ZNF184: variants seen among roughly 807,000 people sequenced by gnomAD.
ZNF184 encodes the protein zinc finger protein 184, also known as zinc finger protein 184 (Kruppel-like).
Under a neutral mutation model 54.4 loss-of-function variants are expected in ZNF184, and 16 were observed. The ratio of observed to expected loss-of-function variants is 0.29; its 90% CI spans 0.20 to 0.45. The LOEUF (loss-of-function observed/expected upper bound fraction) is 0.45, where lower values mean the gene tolerates loss of function less well. Ranked by LOEUF, ZNF184 falls within the 20% of genes least tolerant of loss-of-function variation. The pLI, the probability that ZNF184 is intolerant of heterozygous loss-of-function variation, is 1.00. For synonymous variants in ZNF184, 254 were observed against 295.3 expected, an observed-to-expected ratio of 0.86 and a Z score of 1.43; for missense variants, 681 against 888.2, an observed-to-expected ratio of 0.77 and a Z score of 2.97.
chr6:27,432,420 T>A, the ZNF184 span, among the ~76,000 whole-genome samples: 1 of 152,124 alleles, frequency 6.6e-6, no homozygotes, highest in Non-Finnish European at 1.5e-5. This position sits in a 1 kb window ranked among gnomAD's most constrained non-coding sequence, Gnocchi z 4.0. Context: ...GGAACAGTAA[T>A]AAAGACTAAG....
rs1341681770 is a variant in ZNF184, at chr6:27,451,093, AG to A, written c.*209del. The A allele has an allele frequency of 4.2e-6, 2 of 478,348 alleles. No homozygotes were observed. The highest frequency in any genetic ancestry group is 7.1e-6 in the Non-Finnish European group (2 of 282,872). 29.6% of individuals were successfully genotyped at this position (478,348 alleles called of 1,614,324 possible). On this transcript the variant is annotated 3_prime_UTR_variant, in exon 6 of 6. Coordinates refer to ENST00000683788, the MANE Select transcript of ZNF184 (RefSeq NM_001318891.2). ...TCCTTCATTCCATAAAGGAAACTAAAGCTTAAAACAGTAGAGTTTTCTAATG... is the reference window on the plus strand; with the variant it reads ...TCCTTCATTCCATAAAGGAAACTAAACTTAAAACAGTAGAGTTTTCTAATG...
At chr6:27,466,062 A>C (rs911584516) in intron 3 of ZNF184, among the ~76,000 whole-genome samples, 1 of 152,176 alleles carries the variant, frequency 6.6e-6, no homozygotes, top group Non-Finnish European at 1.5e-5. Context: ...GCCTAGAGTA[A>C]TCACAAGGGT....
intron 2 of ZNF184, among the ~76,000 whole-genome samples, chr6:27,471,560 T>C (rs1235468067): frequency 6.6e-6 from 1 of 152,230 alleles, no homozygotes; most frequent in Non-Finnish European, 1.5e-5. Context: ...CAAAGAGCTA[T>C]GTTTACCATT....
At chr6:27,454,463 T>A (rs1762806521) in intron 5 of ZNF184, among the ~76,000 whole-genome samples, 1 of 152,104 alleles carries the variant, frequency 6.6e-6, no homozygotes, top group Non-Finnish European at 1.5e-5. Context: ...GTTCAAGAAA[T>A]AAATATGTTT....
the ZNF184 span, among the ~76,000 whole-genome samples, chr6:27,437,376 T>G: frequency 6.6e-6 from 1 of 152,162 alleles, no homozygotes; most frequent in African/African-American, 2.4e-5. Flanking sequence ...CCTTTAGAGC[T>G]GAGACCAACC....
chr6:27,461,795 T>C lies in ZNF184; in HGVS notation c.76-4386A>G, dbSNP rs563383197. Among the ~76,000 whole-genome samples, 6 of 152,140 alleles carry C rather than the reference T, an allele frequency of 3.9e-5. No individual in the cohort carries two copies. In the East Asian group the frequency reaches 5.8e-4, roughly 15 times the overall value. On this transcript the variant is annotated intron_variant, in intron 3 of 5. Coordinates refer to ENST00000683788, the MANE Select transcript of ZNF184 (RefSeq NM_001318891.2). Reference sequence around the variant, plus strand: ...GAACTCAAGAGATAGAGCTGAGAGTTTGGGAAAATCAAGGTGACTAGAGTT... The same window carrying C: ...GAACTCAAGAGATAGAGCTGAGAGTCTGGGAAAATCAAGGTGACTAGAGTT...
chr6:27,467,487 C>T (rs777709889), intron 3 of ZNF184, among the ~76,000 whole-genome samples: 9 of 151,998 alleles, frequency 5.9e-5, no homozygotes, highest in Non-Finnish European at 1.2e-4. Flanking sequence ...CCCAGCTACT[C>T]GGGACGCTCA....
the ZNF184 span, among the ~76,000 whole-genome samples, chr6:27,435,494 T>C: frequency 1.3e-5 from 2 of 152,240 alleles, no homozygotes; most frequent in Non-Finnish European, 2.9e-5. Context: ...TGATTTTGTA[T>C]TCTGCAACTT....
At chr6:27,442,388 GGC>G in the ZNF184 span, among the ~76,000 whole-genome samples, 1 of 152,136 alleles carries the variant, frequency 6.6e-6, no homozygotes, top group East Asian at 1.9e-4. Flanking sequence ...GGGAGGCCAA[GGC>G]GGGAGGATTA....
At chr6:27,409,789 G>A in the ZNF184 span, among the ~76,000 whole-genome samples, 70 of 152,218 alleles carry the variant, frequency 4.6e-4, no homozygotes, top group African/African-American at 1.6e-3. Flanking sequence ...GTCTACAGTA[G>A]TGTAGTCTTC....
At position 27,456,867 on chromosome 6, in the gene ZNF184, G is replaced by C. The variant is rs1485073339; in HGVS notation, c.257C>G (p.Pro86Arg). Reference protein sequence around the residue: ...VISQLEQGTEPWIMEPSIPVG... With the variant: ...VISQLEQGTERWIMEPSIPVG... Reference sequence around the variant, plus strand: ...TGGAATGCTTGGCTCCATGATCCATGGCTCTGTCCCTTGCTCTAACTGGGA... The same window carrying C: ...TGGAATGCTTGGCTCCATGATCCATCGCTCTGTCCCTTGCTCTAACTGGGA... Residue 86 changes from proline (P) to arginine (R), a missense_variant, in exon 5 of 6, where the codon CCA becomes CGA. By Grantham distance (103) the Pro-to-Arg change is moderately radical. Transcript: ENST00000683788. 6.2e-7 allele frequency: 1 copy of C among 1,613,974 alleles called. No homozygotes were observed. Among genetic ancestry groups the C allele is most frequent in the Non-Finnish European group, 8.5e-7 (1 of 1,180,022 alleles).
At chr6:27,407,870 G>C in the ZNF184 span, 1 of 803,820 alleles carries the variant, frequency 1.2e-6, no homozygotes, top group East Asian at 2.4e-5. Flanking sequence ...AGGAGAAAGG[G>C]AGTGAACAGG....
At chr6:27,462,487 T>C (rs2103557) in intron 3 of ZNF184, among the ~76,000 whole-genome samples, 98,220 of 150,520 alleles carry the variant, frequency 0.65, 32,329 homozygotes, top group Middle Eastern at 0.76. Flanking sequence ...TGTGAGCCAC[T>C]GCGCCTGGCC....
chr6:27,434,532 A>C, the ZNF184 span, among the ~76,000 whole-genome samples: 1 of 152,098 alleles, frequency 6.6e-6, no homozygotes, highest in Non-Finnish European at 1.5e-5. Context: ...GTTGAGTTGT[A>C]GGTGTTCTTT....
the ZNF184 span, among the ~76,000 whole-genome samples, chr6:27,418,574 A>C: frequency 6.6e-6 from 1 of 152,192 alleles, no homozygotes; most frequent in Non-Finnish European, 1.5e-5. Flanking sequence ...TAATAGGGAA[A>C]ATGGTATTTC....
the ZNF184 span, among the ~76,000 whole-genome samples, chr6:27,431,267 A>T: frequency 0.028 from 4,248 of 152,170 alleles, 118 homozygotes; most frequent in African/African-American, 0.078. Flanking sequence ...TTCATCCATG[A>T]CCTGGAGGGG....
the ZNF184 span, chr6:27,408,062 A>T: frequency 1.2e-6 from 1 of 840,968 alleles, no homozygotes; most frequent in Non-Finnish European, 2.1e-6. Context: ...GAATACTTTG[A>T]TAATGCAAAT....
the ZNF184 span, among the ~76,000 whole-genome samples, chr6:27,429,288 C>T: frequency 1.3e-4 from 20 of 152,322 alleles, no homozygotes; most frequent in East Asian, 3.9e-3. Context: ...CCTTTTGCGA[C>T]AAACTTGCTT....
intron 2 of ZNF184, among the ~76,000 whole-genome samples, chr6:27,469,565 C>T (rs1389653411): frequency 2.0e-5 from 3 of 151,896 alleles, no homozygotes; most frequent in Non-Finnish European, 4.4e-5. Flanking sequence ...TGCTTGAACC[C>T]GGGAGAGGGA....
Sources: allele counts gnomAD v4.1 joint callset (sites outside exome capture counted in the v4.1 genomes callset), GRCh38; gene constraint gnomAD v4.1.1; non-coding constraint Gnocchi (gnomAD v3.1); transcripts MANE v1.5; gene names NCBI Gene and HGNC (gene_info 2026-07-23, HGNC 2026-07-21).